The following RYR2 variants were observed in gnomAD, a reference collection of about 807,000 sequenced individuals.
RYR2 encodes the protein ryanodine receptor 2.
Under a neutral mutation model 601.1 loss-of-function variants are expected in RYR2, and 227 were observed. The observed-to-expected ratio is 0.38, with a 90% CI of 0.34 to 0.42. The LOEUF (loss-of-function observed/expected upper bound fraction) is 0.42, where lower values mean the gene tolerates loss of function less well. Ranked by LOEUF, RYR2 falls within the 10% of genes least tolerant of loss-of-function variation. The pLI, the probability that RYR2 is intolerant of heterozygous loss-of-function variation, is 1.00. For synonymous variants in RYR2, 2,223 were observed against 2,175.1 expected (o/e 1.02, Z -0.61); for missense variants, 4,646 against 6,156.5 (o/e 0.75, Z 8.21).
chr1:237,149,889 CATGAT>C (rs1403417684), intron 1 of RYR2, among the ~76,000 whole-genome samples: 1 of 152,100 alleles, frequency 6.6e-6, no homozygotes, highest in African/African-American at 2.4e-5. Context: ...GAGCCGTTGC[CATGAT>C]TAGTTACATA....
intron 24 of RYR2, among the ~76,000 whole-genome samples, chr1:237,525,597 T>C (rs1667493693): frequency 1.3e-5 from 2 of 151,902 alleles, no homozygotes; most frequent in Non-Finnish European, 2.9e-5. Flanking sequence ...ATTACAGGTG[T>C]CCACCACCAC....
At chr1:237,127,151 C>T (rs1319515835) in intron 1 of RYR2, among the ~76,000 whole-genome samples, 5 of 152,026 alleles carry the variant, frequency 3.3e-5, no homozygotes, top group Non-Finnish European at 5.9e-5. Flanking sequence ...TTTCTTAGTA[C>T]AGAACAAAAT....
At chr1:237,545,972 T>A (rs964951363) in intron 25 of RYR2, among the ~76,000 whole-genome samples, 20 of 150,556 alleles carry the variant, frequency 1.3e-4, no homozygotes, top group East Asian at 3.9e-4. Flanking sequence ...GGGTTTTTTT[T>A]AATTTAAATA....
chr1:237,448,330 A>G (rs373349282), intron 14 of RYR2, among the ~76,000 whole-genome samples: 1 of 152,090 alleles, frequency 6.6e-6, no homozygotes, highest in Non-Finnish European at 1.5e-5. Context: ...TCTGTTACTA[A>G]TTTCTAATTT....
chr1:237,373,493 G>A (rs1437021761), intron 6 of RYR2, among the ~76,000 whole-genome samples: 1 of 152,150 alleles, frequency 6.6e-6, no homozygotes, highest in Non-Finnish European at 1.5e-5. Flanking sequence ...GATTCTAAAG[G>A]GGGCTTGCTG....
intron 19 of RYR2, among the ~76,000 whole-genome samples, chr1:237,493,522 G>T (rs992909793): frequency 1.3e-5 from 2 of 151,798 alleles, no homozygotes; most frequent in Admixed American, 6.6e-5. Flanking sequence ...GCACGATCTC[G>T]GCTCACTGCA....
intron 1 of RYR2, among the ~76,000 whole-genome samples, chr1:237,157,722 A>G (rs1457353135): frequency 1.3e-5 from 2 of 152,242 alleles, no homozygotes; most frequent in Non-Finnish European, 2.9e-5. Context: ...GGTGGTTGCT[A>G]GAGAATGGAA....
At chr1:237,522,992 TAAA>T (rs56371731) in intron 24 of RYR2, among the ~76,000 whole-genome samples, 1 of 141,962 alleles carries the variant, frequency 7.0e-6, no homozygotes, top group African/African-American at 2.5e-5. Flanking sequence ...TCAGCAGACT[TAAA>T]AAAAAAATGA....
intron 1 of RYR2, among the ~76,000 whole-genome samples, chr1:237,241,579 A>C (rs566850202): frequency 2.6e-5 from 4 of 152,344 alleles, no homozygotes; most frequent in Non-Finnish European, 5.9e-5. Context: ...GTAAAGAGAA[A>C]GCAAGTTTAT....
chr1:237,540,050 AAAAC>A (rs1034960839), intron 25 of RYR2, among the ~76,000 whole-genome samples: 16 of 93,554 alleles, frequency 1.7e-4, no homozygotes, highest in African/African-American at 5.4e-4. Flanking sequence ...CCTTCCTCTC[AAAAC>A]AAACAAGCAA....
intron 1 of RYR2, among the ~76,000 whole-genome samples, chr1:237,262,258 T>G (rs1171584637): frequency 1.5e-5 from 2 of 137,588 alleles, no homozygotes; most frequent in South Asian, 2.5e-4. Flanking sequence ...TTTTTTTTTT[T>G]TTTTTTTTTT....
At chr1:237,217,615 GTAAGAAC>G (rs1362230927) in intron 1 of RYR2, among the ~76,000 whole-genome samples, 2 of 152,154 alleles carry the variant, frequency 1.3e-5, no homozygotes, top group African/African-American at 4.8e-5. Context: ...CTGGTACATG[GTAAGAAC>G]TCAGTACATG....
At position 237,705,269 on chromosome 1, in the gene RYR2, C is replaced by T. The variant is rs1411593172; in HGVS notation, c.9506C>T (p.Ala3169Val). Reference sequence around the variant, plus strand: ...GCCTTTGCTGGTGCTTTTCCTGTAGCATTTTTGGAAACTCATCTGGACAAA... The same window carrying T: ...GCCTTTGCTGGTGCTTTTCCTGTAGTATTTTTGGAAACTCATCTGGACAAA... ...LAAFAGAFPV[A>V]FLETHLDKHN... is the part of the protein sequence containing the mutation. Residue 3169 changes from alanine (A) to valine (V), a missense_variant, in exon 67 of 105, where the codon GCA (alanine) becomes GTA (valine). Ala to Val is a moderately conservative substitution (Grantham distance 64). Around this residue, in one of 17 missense-constraint regions of RYR2, gnomAD observed 1,497 missense variants for 1,842.6 expected, o/e 0.81. Coordinates refer to ENST00000366574, the MANE Select transcript of RYR2 (RefSeq NM_001035.3). 1.2e-6 allele frequency: 2 copies of T among 1,606,110 alleles called. No homozygotes were observed. The highest frequency in any genetic ancestry group is 2.7e-5 in the African/African-American group (2 of 74,844).
rs1171481478 is a variant in RYR2 at position 237,610,224 on chromosome 1, G to A, written c.4684-538G>A. Among the ~76,000 whole-genome samples the A allele has an allele frequency of 6.6e-6, 1 of 152,208 alleles. No homozygotes were observed. Among genetic ancestry groups the A allele is most frequent in the Non-Finnish European group, 1.5e-5 (1 of 68,050 alleles). Reference sequence around the variant, plus strand: ...CTGGAGGTGGAGGAGAAATAAGTAGGTTTGTTAATGCCTAACATATTCTGT... The same window carrying A: ...CTGGAGGTGGAGGAGAAATAAGTAGATTTGTTAATGCCTAACATATTCTGT... On this transcript the variant is annotated intron_variant, in intron 35 of 104. Coordinates refer to ENST00000366574, the MANE Select transcript of RYR2 (RefSeq NM_001035.3). This position sits in a 1 kb window ranked among gnomAD's most constrained non-coding sequence, Gnocchi z 4.9.
intron 70 of RYR2, among the ~76,000 whole-genome samples, chr1:237,710,098 A>G (rs970873601): frequency 2.0e-5 from 3 of 152,210 alleles, no homozygotes; most frequent in African/African-American, 4.8e-5. Flanking sequence ...TATTTGGTGA[A>G]TTTTCACTAT....
In RYR2 at chr1:237,731,918, A is replaced by ACACACACACACACC. The variant is rs753519564; in HGVS notation, c.10936-127_10936-126insACACACACACACCC. On this transcript the variant is annotated intron_variant, in intron 77 of 104. Coordinates refer to ENST00000366574, the MANE Select transcript of RYR2 (RefSeq NM_001035.3). ...CACACACACACACACACACACACAC[A>ACACACACACACACC]CCCCACAACAGGGAAGGAGGAACGT... The ACACACACACACACC allele has an allele frequency of 9.9e-6, 6 of 607,184 alleles. No individual in the cohort carries two copies. In the African/African-American group the frequency reaches 1.1e-4, roughly 11 times the overall value. The allele number at this position is 607,184 out of a possible 1,614,324, so 37.6% of individuals were successfully genotyped here.
At chr1:237,205,820 G>A (rs920762496) in intron 1 of RYR2, among the ~76,000 whole-genome samples, 1 of 152,236 alleles carries the variant, frequency 6.6e-6, no homozygotes, top group Admixed American at 6.5e-5. Context: ...TGGGCAGAGA[G>A]CCGTGATGGG....
chr1:237,816,950 T>C (rs1365248586), intron 100 of RYR2, among the ~76,000 whole-genome samples: 4 of 152,122 alleles, frequency 2.6e-5, no homozygotes, highest in Non-Finnish European at 5.9e-5. Context: ...ACCCAGAATG[T>C]TGCCACGTCC....
intron 63 of RYR2, among the ~76,000 whole-genome samples, chr1:237,694,110 A>G (rs574276094): frequency 6.6e-6 from 1 of 151,838 alleles, no homozygotes; most frequent in African/African-American, 2.4e-5. Flanking sequence ...CTGGCTAACA[A>G]GGTGAAACCC....
Sources: gnomAD v4.1 joint callset for allele counts (sites outside exome capture counted in the v4.1 genomes callset) on GRCh38, gnomAD v4.1.1 for gene constraint, gnomAD v4.1.1 regional missense constraint, Gnocchi (gnomAD v3.1) non-coding constraint, MANE v1.5 for transcripts, NCBI Gene and HGNC (gene_info 2026-07-23, HGNC 2026-07-21) for gene names.